Variants in HASPIN observed in about 807,000 individuals in gnomAD.
The protein encoded by HASPIN is serine/threonine-protein kinase haspin.
Under a neutral mutation model 28.8 loss-of-function variants are expected in HASPIN, and 24 were observed. The observed-to-expected ratio is 0.83, with a 90% CI of 0.60 to 1.17. The LOEUF (loss-of-function observed/expected upper bound fraction) is 1.17. Ranked by LOEUF, HASPIN falls within the 50% of genes most tolerant of loss-of-function variation. HASPIN has a pLI of 0.00. For synonymous variants in HASPIN, 440 were observed against 413.1 expected (o/e 1.07, Z -0.79); for missense variants, 1,016 against 1,018.5 (o/e 1.00, Z 0.03).
rs759211249 is a variant in HASPIN, at chr17:3,724,054, G to A, written c.119G>A (p.Arg40Gln). 4 of 1,597,060 alleles carry A rather than the reference G, an allele frequency of 2.5e-6. No individual in the cohort carries two copies. In the Admixed American group the frequency reaches 5.0e-5, roughly 20 times the overall value. ...EAAQWFPPQD[R>Q]RRFFNSSGSS... ...GCGCAGTGGTTCCCGCCGCAGGACC[G>A]GAGGCGTTTCTTCAACAGCAGCGGC... The change falls in exon 1 of 1, where the codon CGG (arginine) becomes CAG (glutamine). Residue 40 changes from arginine (R) to glutamine (Q), a missense_variant. Arg to Gln is a conservative substitution (Grantham distance 43). Coordinates refer to ENST00000325418, the MANE Select transcript of HASPIN (RefSeq NM_031965.2).
At position 3,725,905 on chromosome 17, in the gene HASPIN, T is replaced by C; in HGVS notation, c.1970T>C (p.Leu657Ser). Residue 657 changes from leucine (L) to serine (S), a missense_variant, in exon 1 of 1, where the codon TTA becomes TCA. Coordinates refer to ENST00000325418, the MANE Select transcript of HASPIN (RefSeq NM_031965.2). The stretch of plus-strand genomic sequence containing the variant: ...GACTTACACTGGGGGAACGTGCTCT[T>C]AAAGAAAACCAGCCTCAAAAAACTC... ...HRDLHWGNVL[L>S]KKTSLKKLHY... is the part of the protein sequence containing the mutation. 1.2e-6 allele frequency: 2 copies of C among 1,613,060 alleles called. No individual in the cohort carries two copies. Among genetic ancestry groups the C allele is most frequent in the Middle Eastern group, 1.6e-4 (1 of 6,062 alleles).
rs775453307 is a variant in HASPIN, at chr17:3,725,903, C to T, written c.1968C>T (p.Leu656=). The change falls in exon 1 of 1, where the codon CTC becomes CTT. Residue 656 remains leucine (L), a synonymous_variant. Transcript: ENST00000325418. ...GAGACTTACACTGGGGGAACGTGCT[C>T]TTAAAGAAAACCAGCCTCAAAAAAC... ...EHRDLHWGNV[L]LKKTSLKKLH... is the part of the protein sequence containing the mutation. The T allele has an allele frequency of 6.2e-7, 1 of 1,613,006 alleles. No homozygotes were observed. The highest frequency in any genetic ancestry group is 1.7e-5 in the Admixed American group (1 of 59,972).
chr17:3,725,202 C>A lies in HASPIN; in HGVS notation c.1267C>A (p.Arg423=). ...ATCCCTCCTATCAGAATGTTCAAAC[C>A]GGCCTGTCATGAACAGAACAAGTGG... The part of the protein sequence containing the change: ...SGSLLSECSN[R]PVMNRTSGAP... Residue 423 remains arginine (R), a synonymous_variant, in exon 1 of 1, where the codon CGG becomes AGG. Transcript: ENST00000325418. 6.2e-7 allele frequency: 1 copy of A among 1,614,156 alleles called. No homozygotes were observed. The highest frequency in any genetic ancestry group is 8.5e-7 in the Non-Finnish European group (1 of 1,180,036).
In HASPIN at chr17:3,725,356, C is replaced by T. The variant is rs1290730615; in HGVS notation, c.1421C>T (p.Pro474Leu). The change falls in exon 1 of 1, where the codon CCC (proline) becomes CTC (leucine). Residue 474 changes from proline (P) to leucine (L), a missense_variant. Transcript: ENST00000325418. The stretch of plus-strand genomic sequence containing the variant: ...GAATGCAGTCAGAAGGGTCCTGTCC[C>T]CTTTAGCCATTGCCTTCCCACAGAA... ...YGECSQKGPVPFSHCLPTEKL... is the reference protein window; with the variant it reads ...YGECSQKGPVLFSHCLPTEKL... The T allele has an allele frequency of 8.1e-6, 13 of 1,613,166 alleles. No individual in the cohort carries two copies. Among genetic ancestry groups the T allele is most frequent in the Non-Finnish European group, 1.1e-5 (13 of 1,179,398 alleles).
In HASPIN at chr17:3,724,071, A is replaced by C. The variant is rs760618277; in HGVS notation, c.136A>C (p.Ser46Arg). ...GCAGGACCGGAGGCGTTTCTTCAAC[A>C]GCAGCGGCAGCAGCGACGCCAGCAT... The part of the protein sequence containing the change: ...PPQDRRRFFN[S>R]SGSSDASIGD... Residue 46 changes from serine to arginine, a missense_variant, in exon 1 of 1, where the codon AGC (serine) becomes CGC (arginine). Transcript: ENST00000325418. The C allele has an allele frequency of 1.0e-4, 161 of 1,596,016 alleles. No individual in the cohort carries two copies. The highest frequency in any genetic ancestry group is 3.1e-5 in the Non-Finnish European group (37 of 1,177,700).
Position 3,726,662 on chromosome 17 carries a change from C to CT in HASPIN, c.*331dup, listed in dbSNP as rs1191958576. ...GGTCAACATAGCAAGACCCCTGTCTCTATTTTTTTAAATAAATAAACTACA... is the reference window on the plus strand; with the variant it reads ...GGTCAACATAGCAAGACCCCTGTCTCTTATTTTTTTAAATAAATAAACTACA... On this transcript the variant is annotated 3_prime_UTR_variant, in exon 1 of 1. Transcript: ENST00000325418. The CT allele has an allele frequency of 3.6e-5, 8 of 224,404 alleles. No homozygotes were observed. Among genetic ancestry groups the CT allele is most frequent in the Non-Finnish European group, 6.0e-5 (7 of 115,858 alleles). The allele number at this position is 224,404 out of a possible 1,614,324, so 13.9% of individuals were successfully genotyped here.
chr17:3,725,053 C>G lies in HASPIN; in HGVS notation c.1118C>G (p.Thr373Ser). The stretch of plus-strand genomic sequence containing the variant: ...GATTCGTTCCCCACCCAGGACCTGA[C>G]TCCTTTACAGAATGTCTGCTTTTGG... The part of the protein sequence containing the change: ...GKDSFPTQDL[T>S]PLQNVCFWTK... The change falls in exon 1 of 1, where the codon ACT (threonine) becomes AGT (serine). Residue 373 changes from threonine to serine, a missense_variant. By Grantham distance (58) the Thr-to-Ser change is moderately conservative. This residue lies in a region of HASPIN where 881 missense variants were observed against 845.5 expected (regional missense o/e 1.04). Transcript: ENST00000325418. 1 of 1,614,262 alleles carries G rather than the reference C, an allele frequency of 6.2e-7. No individual in the cohort carries two copies. The highest frequency in any genetic ancestry group is 8.5e-7 in the Non-Finnish European group (1 of 1,180,050).
chr17:3,725,026 A>G lies in HASPIN; in HGVS notation c.1091A>G (p.Lys364Arg). The change falls in exon 1 of 1, where the codon AAA (lysine) becomes AGA (arginine). Residue 364 changes from lysine (K) to arginine (R), a missense_variant. Physicochemically the swap from Lys to Arg is conservative, Grantham distance 26. Around this residue, in one of 3 missense-constraint regions of HASPIN, gnomAD observed 881 missense variants for 845.5 expected, o/e 1.04. Coordinates refer to ENST00000325418, the MANE Select transcript of HASPIN (RefSeq NM_031965.2). ...HRFKKGQKLGKDSFPTQDLTP... is the reference protein window; with the variant it reads ...HRFKKGQKLGRDSFPTQDLTP... ...TTTAAAAAGGGCCAAAAGCTGGGAAAAGATTCGTTCCCCACCCAGGACCTG... is the reference window on the plus strand; with the variant it reads ...TTTAAAAAGGGCCAAAAGCTGGGAAGAGATTCGTTCCCCACCCAGGACCTG... 6.2e-7 allele frequency: 1 copy of G among 1,614,224 alleles called. No individual in the cohort carries two copies. Among genetic ancestry groups the G allele is most frequent in the African/African-American group, 1.3e-5 (1 of 75,064 alleles).
chr17:3,726,094 A>C lies in HASPIN; in HGVS notation c.2159A>C (p.Asp720Ala). ...ACCGGTGACGGTGACTACCAGTTTGACATCTACAGGCTCATGAAGAAGGAG... is the reference window on the plus strand; with the variant it reads ...ACCGGTGACGGTGACTACCAGTTTGCCATCTACAGGCTCATGAAGAAGGAG... ...LFTGDGDYQF[D>A]IYRLMKKENN... The change falls in exon 1 of 1, where the codon GAC (aspartate) becomes GCC (alanine). Residue 720 changes from aspartate (D) to alanine (A), a missense_variant. Asp to Ala is a moderately radical substitution (Grantham distance 126, BLOSUM62 -2). Around this residue, in one of 3 missense-constraint regions of HASPIN, gnomAD observed 129 missense variants for 156.2 expected, o/e 0.83. Transcript: ENST00000325418. 8 of 1,614,172 alleles carry C rather than the reference A, an allele frequency of 5.0e-6. No individual in the cohort carries two copies. Among genetic ancestry groups the C allele is most frequent in the Non-Finnish European group, 6.8e-6 (8 of 1,180,030 alleles).
Position 3,724,041 on chromosome 17 carries a change from C to T in HASPIN, c.106C>T (p.Pro36Ser). 1 of 1,595,756 alleles carries T rather than the reference C, an allele frequency of 6.3e-7. No individual in the cohort carries two copies. The highest frequency in any genetic ancestry group is 8.5e-7 in the Non-Finnish European group (1 of 1,176,914). ...RPGREAAQWFPPQDRRRFFNS... is the reference protein window; with the variant it reads ...RPGREAAQWFSPQDRRRFFNS... ...GGGCCGGGAAGCCGCGCAGTGGTTC[C>T]CGCCGCAGGACCGGAGGCGTTTCTT... The change falls in exon 1 of 1, where the codon CCG becomes TCG. Residue 36 changes from proline to serine, a missense_variant. By Grantham distance (74) the Pro-to-Ser change is moderately conservative. Around this residue, in one of 3 missense-constraint regions of HASPIN, gnomAD observed 881 missense variants for 845.5 expected, o/e 1.04. Transcript: ENST00000325418.
Position 3,725,339 on chromosome 17 carries a change from T to G in HASPIN, c.1404T>G (p.Ser468Arg). 2 of 1,614,224 alleles carry G rather than the reference T, an allele frequency of 1.2e-6. No individual in the cohort carries two copies. Among genetic ancestry groups the G allele is most frequent in the Non-Finnish European group, 8.5e-7 (1 of 1,180,032 alleles). ...CTGAAAAGGTTTATGGGGAATGCAG[T>G]CAGAAGGGTCCTGTCCCCTTTAGCC... The part of the protein sequence containing the change: ...SDAEKVYGEC[S>R]QKGPVPFSHC... Residue 468 changes from serine (S) to arginine (R), a missense_variant, in exon 1 of 1, where the codon AGT becomes AGG. Transcript: ENST00000325418.
In HASPIN at chr17:3,725,582, G is replaced by A; in HGVS notation, c.1647G>A (p.Val549=). The change falls in exon 1 of 1, where the codon GTG becomes GTA. Residue 549 remains valine (V), a synonymous_variant. Coordinates refer to ENST00000325418, the MANE Select transcript of HASPIN (RefSeq NM_031965.2). The part of the protein sequence containing the change: ...SKELSLLSGE[V]CNRTEGFIGL... ...AGTTGAGCCTCTTATCCGGTGAAGT[G>A]TGCAACCGCACAGAAGGCTTTATCG... The A allele has an allele frequency of 6.2e-7, 1 of 1,614,212 alleles. No individual in the cohort carries two copies. Among genetic ancestry groups the A allele is most frequent in the Non-Finnish European group, 8.5e-7 (1 of 1,180,034 alleles).
chr17:3,725,290 T>A lies in HASPIN; in HGVS notation c.1355T>A (p.Ile452Asn). The A allele has an allele frequency of 1.2e-6, 2 of 1,614,200 alleles. No individual in the cohort carries two copies. The highest frequency in any genetic ancestry group is 2.7e-5 in the African/African-American group (2 of 75,042). The change falls in exon 1 of 1, where the codon ATT becomes AAT. Residue 452 changes from isoleucine (I) to asparagine (N), a missense_variant. Ile to Asn is a moderately radical substitution (Grantham distance 149). Around this residue, in one of 3 missense-constraint regions of HASPIN, gnomAD observed 881 missense variants for 845.5 expected, o/e 1.04. Coordinates refer to ENST00000325418, the MANE Select transcript of HASPIN (RefSeq NM_031965.2). ...YLLSPLNTLS[I>N]SNKKASDAEK... is the part of the protein sequence containing the mutation. ...CTAAGCCCCTTAAACACTCTAAGTATTTCAAACAAAAAGGCATCTGATGCT... is the reference window on the plus strand; with the variant it reads ...CTAAGCCCCTTAAACACTCTAAGTAATTCAAACAAAAAGGCATCTGATGCT...
At position 3,724,106 on chromosome 17, in the gene HASPIN, C is replaced by T. The variant is rs995162034; in HGVS notation, c.171C>T (p.Pro57=). 6.3e-7 allele frequency: 1 copy of T among 1,594,706 alleles called. No homozygotes were observed. The highest frequency in any genetic ancestry group is 1.1e-5 in the South Asian group (1 of 90,728). The change falls in exon 1 of 1, where the codon CCC becomes CCT. Residue 57 remains proline (P), a synonymous_variant. Transcript: ENST00000325418. ...SGSSDASIGD[P]SQSDDPDDPD... is the part of the protein sequence containing the mutation. ...GCAGCGACGCCAGCATCGGCGACCC[C>T]TCGCAGTCCGACGATCCTGACGATC... is the stretch of plus-strand genomic sequence containing the variant.
chr17:3,725,825 C>G lies in HASPIN; in HGVS notation c.1890C>G (p.His630Gln). 6.2e-7 allele frequency: 1 copy of G among 1,612,316 alleles called. No homozygotes were observed. The highest frequency in any genetic ancestry group is 8.5e-7 in the Non-Finnish European group (1 of 1,179,868). The change falls in exon 1 of 1, where the codon CAC becomes CAG. Residue 630 changes from histidine to glutamine, a missense_variant. Physicochemically the swap from His to Gln is conservative, Grantham distance 24. Transcript: ENST00000325418. The stretch of plus-strand genomic sequence containing the variant: ...TGGCTACTGCAAAGAGCATTCTACA[C>G]CAGCTCACAGCCTCCCTCGCAGTGG... ...SSLATAKSIL[H>Q]QLTASLAVAE... is the part of the protein sequence containing the mutation.
rs779119875 is a variant in HASPIN at position 3,724,001 on chromosome 17, G to C, written c.66G>C (p.Arg22Ser). The change falls in exon 1 of 1, where the codon AGG becomes AGC. Residue 22 changes from arginine to serine, a missense_variant. Arg to Ser is a moderately radical substitution (Grantham distance 110). Coordinates refer to ENST00000325418, the MANE Select transcript of HASPIN (RefSeq NM_031965.2). ...GCACATATGGGGCTGCGGACGGCAG[G>C]AGACAGCGGCGGCCGGGCCGGGAAG... ...LFRTYGAADGRRQRRPGREAA... is the reference protein window; with the variant it reads ...LFRTYGAADGSRQRRPGREAA... 164 of 1,594,906 alleles carry C rather than the reference G, an allele frequency of 1.0e-4. No individual in the cohort carries two copies. The South Asian group carries it at 1.7e-3, about 17-fold the overall frequency.
chr17:3,725,117 A>T lies in HASPIN; in HGVS notation c.1182A>T (p.Lys394Asn), dbSNP rs774141649. ...CTTCCTTCAGTTTCCACAAGAAGAAAATTGTGACTGATGTGTCAGAGGTCT... is the reference window on the plus strand; with the variant it reads ...CTTCCTTCAGTTTCCACAAGAAGAATATTGTGACTGATGTGTCAGAGGTCT... ...TRASFSFHKK[K>N]IVTDVSEVCS... The change falls in exon 1 of 1, where the codon AAA (lysine) becomes AAT (asparagine). Residue 394 changes from lysine to asparagine, a missense_variant. By Grantham distance (94) the Lys-to-Asn change is moderately conservative. This residue lies in a region of HASPIN where 881 missense variants were observed against 845.5 expected (regional missense o/e 1.04). Coordinates refer to ENST00000325418, the MANE Select transcript of HASPIN (RefSeq NM_031965.2). 1 of 1,614,068 alleles carries T rather than the reference A, an allele frequency of 6.2e-7. No homozygotes were observed. Among genetic ancestry groups the T allele is most frequent in the Non-Finnish European group, 8.5e-7 (1 of 1,180,040 alleles).
rs1402270435 is a variant in HASPIN at position 3,725,319 on chromosome 17, A to C, written c.1384A>C (p.Lys462Gln). The C allele has an allele frequency of 6.2e-7, 1 of 1,614,214 alleles. No individual in the cohort carries two copies. Among genetic ancestry groups the C allele is most frequent in the Admixed American group, 1.7e-5 (1 of 60,008 alleles). The change falls in exon 1 of 1, where the codon AAG (lysine) becomes CAG (glutamine). Residue 462 changes from lysine to glutamine, a missense_variant. Coordinates refer to ENST00000325418, the MANE Select transcript of HASPIN (RefSeq NM_031965.2). Reference sequence around the variant, plus strand: ...AAACAAAAAGGCATCTGATGCTGAAAAGGTTTATGGGGAATGCAGTCAGAA... The same window carrying C: ...AAACAAAAAGGCATCTGATGCTGAACAGGTTTATGGGGAATGCAGTCAGAA... ...ISNKKASDAE[K>Q]VYGECSQKGP...
At position 3,726,558 on chromosome 17, in the gene HASPIN, T is replaced by G; in HGVS notation, c.*226T>G. ...AAAGAAGTAAACTAGCCGGGCACAGTGGCGTGCGCCTGTAGTCCCAGCTAC... is the reference window on the plus strand; with the variant it reads ...AAAGAAGTAAACTAGCCGGGCACAGGGGCGTGCGCCTGTAGTCCCAGCTAC... On this transcript the variant is annotated 3_prime_UTR_variant, in exon 1 of 1. Transcript: ENST00000325418. The G allele has an allele frequency of 1.9e-6, 1 of 519,670 alleles. No homozygotes were observed. The highest frequency in any genetic ancestry group is 3.4e-6 in the Non-Finnish European group (1 of 291,204). The allele number at this position is 519,670 out of a possible 1,614,324, so 32.2% of individuals were successfully genotyped here.
Sources: gnomAD v4.1 joint callset for allele counts on GRCh38, gnomAD v4.1.1 for gene constraint, gnomAD v4.1.1 regional missense constraint, MANE v1.5 for transcripts, NCBI Gene and HGNC (gene_info 2026-07-23, HGNC 2026-07-21) for gene names.